YPEL3: variants seen among roughly 807,000 people sequenced by gnomAD.
The protein encoded by YPEL3 is protein yippee-like 3.
In YPEL3, 5 loss-of-function variants were observed where a neutral mutation model predicts 17.5. The observed-to-expected ratio is 0.29, with a 90% CI of 0.15 to 0.60. The LOEUF (loss-of-function observed/expected upper bound fraction) is 0.60, where lower values mean the gene tolerates loss of function less well. Ranked by LOEUF, YPEL3 falls within the 20% of genes least tolerant of loss-of-function variation. The pLI is 0.87. For missense variants in YPEL3, 155 were observed against 211.4 expected (o/e 0.73, Z 1.65); for synonymous variants, 87 against 87.2 (o/e 1.00, Z 0.01).
At chr16:30,094,485 T>C (rs941527195) in intron 3 of YPEL3, 1 of 395,164 alleles carries the variant, frequency 2.5e-6, no homozygotes, top group African/African-American at 2.1e-5. Flanking sequence ...ACTGCAATGA[T>C]TGAATGAGAT....
chr16:30,092,846 A>C, intron 3 of YPEL3, 47 bp from the exon 4 acceptor site: 1 of 1,553,090 alleles, frequency 6.4e-7, no homozygotes, highest in Non-Finnish European at 8.9e-7. Context: ...CAGTCTCACC[A>C]CAAGGCACTG....
rs559417446 is a variant in YPEL3 at position 30,092,820 on chromosome 16, G to A, written c.385-21C>T. 2.9e-5 allele frequency: 46 copies of A among 1,607,950 alleles called. 2 individuals carry two copies. In the South Asian group the frequency reaches 4.4e-4, roughly 15 times the overall value. ...TGTTCCTGAAAGGAGGGGCGGGACC[G>A]TCATCCCCGGAGCAACAGTCTCACC... On this transcript the variant is annotated intron_variant, in intron 3 of 3. Transcript: ENST00000398841.
chr16:30,095,434 C>T lies in YPEL3; in HGVS notation c.49G>A (p.Ala17Thr). ...CACGGGGAGCAGAGGGAGCCCAGTG[C>T]CTGCCGGGGAGGGAGTAGGTGGGCT... is the stretch of plus-strand genomic sequence containing the variant. ...LTAHLLPPRQ[A>T]LGSLCSPWAA... is the part of the protein sequence containing the mutation. Residue 17 changes from alanine (A) to threonine (T), a missense_variant, in exon 1 of 4, where the codon GCA becomes ACA. Physicochemically the swap from Ala to Thr is moderately conservative, Grantham distance 58 (BLOSUM62 0). Around this residue, in one of 3 missense-constraint regions of YPEL3, gnomAD observed 58 missense variants for 60.0 expected, o/e 0.97. Transcript: ENST00000398841. The surrounding 1 kb of genome is among the most constrained non-coding windows in gnomAD (Gnocchi z 5.4). 1 of 1,597,546 alleles carries T rather than the reference C, an allele frequency of 6.3e-7. No individual in the cohort carries two copies. Among genetic ancestry groups the T allele is most frequent in the South Asian group, 1.1e-5 (1 of 89,060 alleles).
At chr16:30,093,314 GTGCAACGGCGCGATATCGGCTCAC>G (rs1274071906) in intron 3 of YPEL3, among the ~76,000 whole-genome samples, 1 of 152,122 alleles carries the variant, frequency 6.6e-6, no homozygotes, top group African/African-American at 2.4e-5. Flanking sequence ...CAGGCTGGAA[GTGCAACGGCGCGATATCGGCTCAC>G]TGCAACCTCC....
In YPEL3 at chr16:30,095,442, G is replaced by A. The variant is rs772422350; in HGVS notation, c.41C>T (p.Pro14Leu). ...AQVLTAHLLP[P>L]RQALGSLCSP... ...GCAGAGGGAGCCCAGTGCCTGCCGG[G>A]GAGGGAGTAGGTGGGCTGTCAGGAC... Residue 14 changes from proline (P) to leucine (L), a missense_variant, in exon 1 of 4, where the codon CCC becomes CTC. Transcript: ENST00000398841. This position sits in a 1 kb window ranked among gnomAD's most constrained non-coding sequence, Gnocchi z 5.4. The A allele has an allele frequency of 8.2e-6, 13 of 1,587,482 alleles. No individual in the cohort carries two copies. Among genetic ancestry groups the A allele is most frequent in the Admixed American group, 1.8e-5 (1 of 56,388 alleles).
rs191108964 is a variant in YPEL3 at position 30,095,039 on chromosome 16, G to C, written c.275+64C>G. On this transcript the variant is annotated intron_variant, in intron 2 of 3. Transcript: ENST00000398841. The surrounding 1 kb of genome is among the most constrained non-coding windows in gnomAD (Gnocchi z 5.4). ...CGGGGAACTCTGGGAGTCTCAGCAGGATGCCAGGGGTCACAGGTCACAACA... is the reference window on the plus strand; with the variant it reads ...CGGGGAACTCTGGGAGTCTCAGCAGCATGCCAGGGGTCACAGGTCACAACA... 50 of 1,609,966 alleles carry C rather than the reference G, an allele frequency of 3.1e-5. No homozygotes were observed. In the East Asian group the frequency reaches 9.6e-4, roughly 31 times the overall value.
In YPEL3 at chr16:30,094,834, G is replaced by A; in HGVS notation, c.339C>T (p.Ala113=). 6.2e-7 allele frequency: 1 copy of A among 1,614,128 alleles called. No homozygotes were observed. Among genetic ancestry groups the A allele is most frequent in the Non-Finnish European group, 8.5e-7 (1 of 1,180,012 alleles). ...TCTTGCAGTTCTCGCAGTGGATGTC[G>A]GCGACAGCATGGAGGCCGGTCAGCA... ...RVLLTGLHAV[A]DIHCENCKTT... The change falls in exon 3 of 4, where the codon GCC becomes GCT. Residue 113 remains alanine (A), a synonymous_variant. Coordinates refer to ENST00000398841, the MANE Select transcript of YPEL3 (RefSeq NM_031477.5).
chr16:30,092,502 A>G lies in YPEL3; in HGVS notation c.*208T>C. On this transcript the variant is annotated 3_prime_UTR_variant, in exon 4 of 4. Transcript: ENST00000398841. ...ACGGGTTAAAAACGAGATCCAAGCCAGCCAGATCGCAGGAGGTGCGGGGGC... is the reference window on the plus strand; with the variant it reads ...ACGGGTTAAAAACGAGATCCAAGCCGGCCAGATCGCAGGAGGTGCGGGGGC... The G allele has an allele frequency of 1.8e-6, 1 of 570,188 alleles. No individual in the cohort carries two copies. Among genetic ancestry groups the G allele is most frequent in the Admixed American group, 3.0e-5 (1 of 32,808 alleles). 35.3% of individuals were successfully genotyped at this position (570,188 alleles called of 1,614,324 possible).
intron 3 of YPEL3, chr16:30,093,743 ATT>A (rs1209936876): frequency 3.0e-4 from 39 of 131,284 alleles, no homozygotes; most frequent in Admixed American, 1.1e-3. Context: ...CACCCAGCTG[ATT>A]TTTTTTTTTT....
intron 3 of YPEL3, among the ~76,000 whole-genome samples, chr16:30,093,019 G>C (rs542548798): frequency 1.3e-5 from 2 of 152,362 alleles, no homozygotes; most frequent in East Asian, 1.9e-4. Flanking sequence ...AGATAGGGAA[G>C]TGGCTAAAAG....
chr16:30,092,696 C>CG lies in YPEL3; in HGVS notation c.*13dup. 1.9e-6 allele frequency: 3 copies of CG among 1,613,586 alleles called. No homozygotes were observed. Among genetic ancestry groups the CG allele is most frequent in the Non-Finnish European group, 2.5e-6 (3 of 1,179,704 alleles). On this transcript the variant is annotated 3_prime_UTR_variant, in exon 4 of 4. Transcript: ENST00000398841. Reference sequence around the variant, plus strand: ...CAGGCCGGGCTGGAGCCACATGCGTCGGGGGAGCGGGGGTCAGTCCCAGCC... The same window carrying CG: ...CAGGCCGGGCTGGAGCCACATGCGTCGGGGGGAGCGGGGGTCAGTCCCAGCC...
At position 30,092,621 on chromosome 16, in the gene YPEL3, G is replaced by T; in HGVS notation, c.*89C>A. 2.4e-6 allele frequency: 3 copies of T among 1,226,378 alleles called. No homozygotes were observed. The highest frequency in any genetic ancestry group is 1.2e-5 in the South Asian group (1 of 82,436). 76.0% of individuals were successfully genotyped at this position (1,226,378 alleles called of 1,614,324 possible). ...TCCGTCCTCTGCAGGGGCTCTGAGG[G>T]TCCAGAGCTCCCTTCGGGTGGCGGG... On this transcript the variant is annotated 3_prime_UTR_variant, in exon 4 of 4. Transcript: ENST00000398841.
chr16:30,095,565 G>A lies in YPEL3; in HGVS notation c.-83C>T. On this transcript the variant is annotated 5_prime_UTR_variant, in exon 1 of 4. Transcript: ENST00000398841. The surrounding 1 kb of genome is among the most constrained non-coding windows in gnomAD (Gnocchi z 5.4). ...TTCCCCAGAGCCAGCAGCCTCTCCG[G>A]GGACCAGAGGCGTCTCGGTTTTGAC... is the stretch of plus-strand genomic sequence containing the variant. The A allele has an allele frequency of 8.2e-7, 1 of 1,218,312 alleles. No homozygotes were observed. Among genetic ancestry groups the A allele is most frequent in the Non-Finnish European group, 1.1e-6 (1 of 902,582 alleles). 75.5% of individuals were successfully genotyped at this position (1,218,312 alleles called of 1,614,324 possible).
chr16:30,095,630 A>C lies in YPEL3; in HGVS notation c.-148T>G, dbSNP rs1484705307. ...TCAGGTTGCATCCATGGGGAAACTG[A>C]GGCTCGGAGGTGCCCAGGGTGAGTC... On this transcript the variant is annotated 5_prime_UTR_variant, in exon 1 of 4. Transcript: ENST00000398841. This position sits in a 1 kb window ranked among gnomAD's most constrained non-coding sequence, Gnocchi z 5.4. 1.5e-6 allele frequency: 1 copy of C among 671,518 alleles called. No individual in the cohort carries two copies. The highest frequency in any genetic ancestry group is 2.4e-6 in the Non-Finnish European group (1 of 421,410). The allele number at this position is 671,518 out of a possible 1,614,324, so 41.6% of individuals were successfully genotyped here. A position where few individuals can be genotyped will look rare whatever the true frequency, so the allele number is the denominator to read the frequency against.
At position 30,094,982 on chromosome 16, in the gene YPEL3, A is replaced by G. The variant is rs1056109493; in HGVS notation, c.276-85T>C. ...AGCACTGTGTCTGTCCTCAGCATCCAAGAAATGATGCTCACAATTTCCTGC... is the reference window on the plus strand; with the variant it reads ...AGCACTGTGTCTGTCCTCAGCATCCGAGAAATGATGCTCACAATTTCCTGC... On this transcript the variant is annotated intron_variant, in intron 2 of 3. Coordinates refer to ENST00000398841, the MANE Select transcript of YPEL3 (RefSeq NM_031477.5). 7.8e-5 allele frequency: 124 copies of G among 1,593,170 alleles called. No homozygotes were observed. In the East Asian group the frequency reaches 2.7e-3, roughly 35 times the overall value.
At chr16:30,094,562 T>C in intron 3 of YPEL3, 1 of 575,980 alleles carries the variant, frequency 1.7e-6, no homozygotes, top group Admixed American at 2.9e-5. Flanking sequence ...TCTGATTATA[T>C]CCTAACTCTC....
chr16:30,095,632 G>T lies in YPEL3; in HGVS notation c.-150C>A. On this transcript the variant is annotated 5_prime_UTR_variant, in exon 1 of 4. Transcript: ENST00000398841. The surrounding 1 kb of genome is among the most constrained non-coding windows in gnomAD (Gnocchi z 5.4). ...AGGTTGCATCCATGGGGAAACTGAG[G>T]CTCGGAGGTGCCCAGGGTGAGTCAC... The T allele has an allele frequency of 1.5e-6, 1 of 662,222 alleles. No homozygotes were observed. Among genetic ancestry groups the T allele is most frequent in the Non-Finnish European group, 2.4e-6 (1 of 411,344 alleles). The allele number at this position is 662,222 out of a possible 1,614,324, so 41.0% of individuals were successfully genotyped here.
rs776592208 is a variant in YPEL3 at position 30,095,475 on chromosome 16, A to C, written c.8T>G (p.Val3Gly). 1.3e-6 allele frequency: 2 copies of C among 1,526,730 alleles called. No individual in the cohort carries two copies. The highest frequency in any genetic ancestry group is 8.8e-7 in the Non-Finnish European group (1 of 1,137,738). 94.6% of individuals were successfully genotyped at this position (1,526,730 alleles called of 1,614,324 possible). ...TAGGTGGGCTGTCAGGACCTGGGCCACACACATGCGAGGCACTCCCAGAGC... is the reference window on the plus strand; with the variant it reads ...TAGGTGGGCTGTCAGGACCTGGGCCCCACACATGCGAGGCACTCCCAGAGC... MC[V>G]AQVLTAHLLP... The change falls in exon 1 of 4, where the codon GTG (valine) becomes GGG (glycine). Residue 3 changes from valine (V) to glycine (G), a missense_variant. Val to Gly is a moderately radical substitution (Grantham distance 109, BLOSUM62 -3). This residue lies in a region of YPEL3 where 58 missense variants were observed against 60.0 expected (regional missense o/e 0.97). Coordinates refer to ENST00000398841, the MANE Select transcript of YPEL3 (RefSeq NM_031477.5). The surrounding 1 kb of genome is among the most constrained non-coding windows in gnomAD (Gnocchi z 5.4).
chr16:30,095,352 T>C lies in YPEL3; in HGVS notation c.131A>G (p.Lys44Arg), dbSNP rs2072780895. 6.2e-6 allele frequency: 10 copies of C among 1,614,162 alleles called. No homozygotes were observed. Among genetic ancestry groups the C allele is most frequent in the Non-Finnish European group, 8.5e-6 (10 of 1,180,016 alleles). ...CAAGTAGGCCTGAAACGTCTTGGGC[T>C]TTGAAATCCGCACCATGGCGGGGGC... ...PPAPAMVRIS[K>R]PKTFQAYLDD... The change falls in exon 1 of 4, where the codon AAG becomes AGG. Residue 44 changes from lysine to arginine, a missense_variant. Around this residue, in one of 3 missense-constraint regions of YPEL3, gnomAD observed 58 missense variants for 60.0 expected, o/e 0.97. Coordinates refer to ENST00000398841, the MANE Select transcript of YPEL3 (RefSeq NM_031477.5). This position sits in a 1 kb window ranked among gnomAD's most constrained non-coding sequence, Gnocchi z 5.4.
Sources: allele counts gnomAD v4.1 joint callset (sites outside exome capture counted in the v4.1 genomes callset), GRCh38; gene constraint gnomAD v4.1.1; regional missense constraint gnomAD v4.1.1; non-coding constraint Gnocchi (gnomAD v3.1); transcripts MANE v1.5; gene names NCBI Gene and HGNC (gene_info 2026-07-23, HGNC 2026-07-21).